STIM2: variants seen among roughly 807,000 people sequenced by gnomAD.
STIM2 encodes the protein stromal interaction molecule 2.
Under a neutral mutation model 85.8 loss-of-function variants are expected in STIM2, and 31 were observed. That is an observed-to-expected ratio of 0.36 (90% CI 0.27 to 0.49). STIM2 has a LOEUF of 0.49. Ranked by LOEUF, STIM2 falls within the 20% of genes least tolerant of loss-of-function variation. The pLI is 0.98. For missense variants in STIM2, 841 were observed against 927.6 expected, an observed-to-expected ratio of 0.91 and a Z score of 1.21; for synonymous variants, 356 against 331.1, an observed-to-expected ratio of 1.08 and a Z score of -0.82.
At chr4:26,994,317 A>T (rs1310441424) in intron 3 of STIM2, among the ~76,000 whole-genome samples, 1 of 151,984 alleles carries the variant, frequency 6.6e-6, no homozygotes, top group Non-Finnish European at 1.5e-5. Context: ...TTTCTATCTC[A>T]GTTAATGGTA....
chr4:26,887,737 G>T (rs1482680411), intron 1 of STIM2, among the ~76,000 whole-genome samples: 2 of 152,066 alleles, frequency 1.3e-5, no homozygotes, highest in Admixed American at 6.5e-5. Flanking sequence ...ATTTTATATA[G>T]TGCATATCTG....
At chr4:27,015,067 A>G (rs773766795) in intron 10 of STIM2, among the ~76,000 whole-genome samples, 7 of 151,984 alleles carry the variant, frequency 4.6e-5, no homozygotes, top group Non-Finnish European at 7.4e-5. Context: ...ATATCTCTAT[A>G]AGAAAATAGC....
At chr4:26,877,765 C>T (rs1489794951) in intron 1 of STIM2, among the ~76,000 whole-genome samples, 1 of 152,096 alleles carries the variant, frequency 6.6e-6, no homozygotes, top group Non-Finnish European at 1.5e-5. Flanking sequence ...TTCCTACTTG[C>T]TATGGTTTGA....
At chr4:26,882,802 G>A (rs921371856) in intron 1 of STIM2, among the ~76,000 whole-genome samples, 6 of 150,736 alleles carry the variant, frequency 4.0e-5, no homozygotes, top group African/African-American at 1.5e-4. Flanking sequence ...GTAAATCCAG[G>A]TGCTATCTGT....
chr4:26,960,423 T>G (rs993236931), intron 3 of STIM2, among the ~76,000 whole-genome samples: 3 of 152,216 alleles, frequency 2.0e-5, no homozygotes, highest in Non-Finnish European at 4.4e-5. Context: ...TACATACACA[T>G]GCAAATATAT....
At chr4:26,906,600 G>T (rs552958715) in intron 1 of STIM2, among the ~76,000 whole-genome samples, 7 of 151,994 alleles carry the variant, frequency 4.6e-5, no homozygotes, top group African/African-American at 1.7e-4. Context: ...GTAAATTTGA[G>T]GGCTAATGAA....
rs561686666 is a variant in STIM2, at chr4:26,895,603, G to C, written c.152-23901G>C. ...AACTTTTTTTTATGTTTTTGAATTT[G>C]TCCATAACCCAGTTTCATCAGTTTT... On this transcript the variant is annotated intron_variant, in intron 1 of 11. Transcript: ENST00000467087. Among the ~76,000 whole-genome samples, 4 of 152,162 alleles carry C rather than the reference G, an allele frequency of 2.6e-5. No individual in the cohort carries two copies. In the South Asian group the frequency reaches 8.3e-4, roughly 32 times the overall value.
At chr4:26,877,399 C>T (rs1277034822) in intron 1 of STIM2, among the ~76,000 whole-genome samples, 1 of 152,038 alleles carries the variant, frequency 6.6e-6, no homozygotes, top group Non-Finnish European at 1.5e-5. Context: ...TAATCTTTTC[C>T]TTTACCTTTT....
intron 2 of STIM2, among the ~76,000 whole-genome samples, chr4:26,923,366 G>A (rs554713846): frequency 1.3e-5 from 2 of 152,178 alleles, no homozygotes; most frequent in East Asian, 3.9e-4. Context: ...ACAGAACAAA[G>A]CTGGATGGAG....
At chr4:26,993,431 G>A (rs970130197) in intron 3 of STIM2, among the ~76,000 whole-genome samples, 1 of 152,052 alleles carries the variant, frequency 6.6e-6, no homozygotes, top group African/African-American at 2.4e-5. Flanking sequence ...TTTGTTTGTG[G>A]TTTATTTAAG....
intron 9 of STIM2, 97 bp from the exon 10 acceptor site, chr4:27,008,667 T>G: frequency 8.1e-7 from 1 of 1,234,602 alleles, no homozygotes; most frequent in Non-Finnish European, 1.2e-6. Flanking sequence ...TTCTTGAAAT[T>G]AGTTAATTGC....
intron 1 of STIM2, among the ~76,000 whole-genome samples, chr4:26,901,958 G>A (rs1723939818): frequency 6.6e-6 from 1 of 152,162 alleles, no homozygotes; most frequent in African/African-American, 2.4e-5. Context: ...CTGTTAGGAA[G>A]GTCAGGATGG....
At chr4:27,005,760 C>T (rs539571326) in intron 7 of STIM2, among the ~76,000 whole-genome samples, 1 of 152,270 alleles carries the variant, frequency 6.6e-6, no homozygotes, top group Admixed American at 6.5e-5. Context: ...GAACATTGTT[C>T]AGCTTCAATT....
chr4:26,881,496 C>T (rs908096859), intron 1 of STIM2: 3 of 150,470 alleles, frequency 2.0e-5, no homozygotes, highest in African/African-American at 7.3e-5. Flanking sequence ...TTTTGCCTTT[C>T]CCTTCTGTCA....
At chr4:26,999,634 G>A (rs1263529757) in intron 5 of STIM2, among the ~76,000 whole-genome samples, 1 of 152,132 alleles carries the variant, frequency 6.6e-6, no homozygotes, top group Non-Finnish European at 1.5e-5. Flanking sequence ...ATCTTTGGAG[G>A]AGTTTTAATG....
At chr4:26,898,793 A>G (rs1324623036) in intron 1 of STIM2, among the ~76,000 whole-genome samples, 2 of 152,170 alleles carry the variant, frequency 1.3e-5, no homozygotes, top group East Asian at 3.8e-4. Context: ...AATTTTTAAA[A>G]AGGCATTTTA....
intron 1 of STIM2, among the ~76,000 whole-genome samples, chr4:26,890,983 G>T (rs1486888654): frequency 6.6e-6 from 1 of 152,172 alleles, no homozygotes; most frequent in African/African-American, 2.4e-5. Context: ...AGCACTATTG[G>T]ATCTACTGGA....
chr4:26,977,350 G>T (rs1252169447), intron 3 of STIM2, among the ~76,000 whole-genome samples: 1 of 152,168 alleles, frequency 6.6e-6, no homozygotes, highest in Non-Finnish European at 1.5e-5. Flanking sequence ...AGGAATTTGA[G>T]ATTTACTATA....
chr4:26,891,238 T>G (rs1723464754), intron 1 of STIM2, among the ~76,000 whole-genome samples: 1 of 152,188 alleles, frequency 6.6e-6, no homozygotes, highest in Admixed American at 6.5e-5. Flanking sequence ...TGCTGAGAGA[T>G]TGCCCTTGAT....
Sources: gnomAD v4.1 joint callset for allele counts (sites outside exome capture counted in the v4.1 genomes callset) on GRCh38, gnomAD v4.1.1 for gene constraint, MANE v1.5 for transcripts, NCBI Gene and HGNC (gene_info 2026-07-23, HGNC 2026-07-21) for gene names.